The following MATR3 variants were observed in gnomAD, a reference collection of about 807,000 sequenced individuals.
MATR3 encodes matrin 3, also known as matrin-3.
Under a neutral mutation model 85.5 loss-of-function variants are expected in MATR3, and 4 were observed. The ratio of observed to expected loss-of-function variants is 0.05; its 90% CI spans 0.02 to 0.11. MATR3 has a LOEUF of 0.11. Among genes scored for constraint, MATR3 ranks in the 10% least tolerant of loss-of-function variants. MATR3 has a pLI of 1.00. For synonymous variants in MATR3, 336 were observed against 343.1 expected (o/e 0.98, Z 0.23); for missense variants, 685 against 1,016.1 (o/e 0.67, Z 4.43).
intron 2 of MATR3, chr5:139,312,112 T>A (rs904155037): frequency 3.3e-5 from 5 of 152,074 alleles, no homozygotes; most frequent in African/African-American, 1.2e-4. Flanking sequence ...TCCTCTGACT[T>A]AGAGCCATTT....
chr5:139,318,544 A>G (rs945641447), intron 7 of MATR3, among the ~76,000 whole-genome samples: 1 of 152,100 alleles, frequency 6.6e-6, no homozygotes, highest in Non-Finnish European at 1.5e-5. Flanking sequence ...GGTTCAAGCC[A>G]TTCTCCTGCC....
At chr5:139,281,582 ACCTCAGGTGATCCACCCG>A (rs749383013) in intron 3 of MATR3, among the ~76,000 whole-genome samples, 5 of 151,382 alleles carry the variant, frequency 3.3e-5, no homozygotes, top group Non-Finnish European at 7.4e-5. Flanking sequence ...CAAACTCCTT[ACCTCAGGTGATCCACCCG>A]CCTCAGCCTC....
At position 139,307,307 on chromosome 5, in the gene MATR3, C is replaced by CT; in HGVS notation, c.-109_-108insT. The CT allele has an allele frequency of 7.8e-7, 1 of 1,279,196 alleles. No homozygotes were observed. Among genetic ancestry groups the CT allele is most frequent in the South Asian group, 1.6e-5 (1 of 61,584 alleles). The allele number at this position is 1,279,196 out of a possible 1,614,324, so 79.2% of individuals were successfully genotyped here. A position where few individuals can be genotyped will look rare whatever the true frequency, so the allele number is the denominator to read the frequency against. ...TATTGATCCTTTTTCTTGGCGTTAC[C>CT]ATTTTTGAAGCAAAGTTAACCTAGC... is the stretch of plus-strand genomic sequence containing the variant. On this transcript the variant is annotated 5_prime_UTR_variant, in exon 2 of 15. Transcript: ENST00000394805. This position sits in a 1 kb window ranked among gnomAD's most constrained non-coding sequence, Gnocchi z 4.4.
chr5:139,282,213 T>C (rs1753556099), intron 3 of MATR3, among the ~76,000 whole-genome samples: 1 of 152,252 alleles, frequency 6.6e-6, no homozygotes, highest in African/African-American at 2.4e-5. Flanking sequence ...CTCCAGTTAA[T>C]GGACCTGTCA....
upstream of MATR3, among the ~76,000 whole-genome samples, chr5:139,290,618 T>G (rs966015007): frequency 6.6e-6 from 1 of 151,172 alleles, no homozygotes; most frequent in Admixed American, 6.6e-5. Flanking sequence ...CCTGGGTAAT[T>G]TTTGTATTTT....
rs1357508185 is a variant in MATR3, at chr5:139,318,777, T to A, written c.1309-131T>A. On this transcript the variant is annotated intron_variant, in intron 7 of 14. Transcript: ENST00000394805. ...TTTTGTATTTTGATTCTTGAAAGTA[T>A]TTTCTACTTAATGATTAAATATATC... The A allele has an allele frequency of 3.4e-6, 3 of 870,432 alleles. No individual in the cohort carries two copies. The African/African-American group carries it at 5.1e-5, about 15-fold the overall frequency. The allele number at this position is 870,432 out of a possible 1,614,324, so 53.9% of individuals were successfully genotyped here.
chr5:139,297,150 C>G (rs570953530), intron 1 of MATR3, among the ~76,000 whole-genome samples: 8 of 152,230 alleles, frequency 5.3e-5, no homozygotes, highest in African/African-American at 1.9e-4. Flanking sequence ...TGCATTCCAG[C>G]CTGGGCAACA....
upstream of MATR3, among the ~76,000 whole-genome samples, chr5:139,289,521 CAG>C (rs377291710): frequency 3.2e-3 from 486 of 152,352 alleles, 3 homozygotes; most frequent in African/African-American, 0.011. Flanking sequence ...GACTTTCTCA[CAG>C]AGTAAATTGA....
In MATR3 at chr5:139,295,885, T is replaced by TGGCTCAC. The variant is rs60689961; in HGVS notation, c.-178+2088_-178+2094dup. 4.5e-3 allele frequency among the ~76,000 whole-genome samples: 692 copies of TGGCTCAC among 152,262 alleles called. 4 individuals carry two copies. Among genetic ancestry groups the TGGCTCAC allele is most frequent in the African/African-American group, 0.016 (654 of 41,544 alleles). On this transcript the variant is annotated intron_variant, in intron 1 of 14. Transcript: ENST00000394805. ...GACTGGAGTGCAGTGGTATGATCAG[T>TGGCTCAC]GGCTCACGGCTCACAGCAGCCTCGA...
intron 9 of MATR3, 81 bp from the exon 10 acceptor site, chr5:139,321,817 A>G: frequency 1.4e-6 from 2 of 1,423,128 alleles, no homozygotes; most frequent in East Asian, 2.4e-5. Context: ...TTTTCTAACC[A>G]GTAGGTAGAA....
chr5:139,298,150 G>C (rs1754255711), intron 1 of MATR3, among the ~76,000 whole-genome samples: 1 of 152,146 alleles, frequency 6.6e-6, no homozygotes, highest in Non-Finnish European at 1.5e-5. Flanking sequence ...TTCCTCCTTT[G>C]TGAGGATTAT....
In MATR3 at chr5:139,321,984, T is replaced by G. The variant is rs201037038; in HGVS notation, c.1689T>G (p.Cys563Trp). 1.2e-6 allele frequency: 2 copies of G among 1,613,974 alleles called. No homozygotes were observed. Among genetic ancestry groups the G allele is most frequent in the African/African-American group, 2.7e-5 (2 of 74,924 alleles). ...LKKALWFQGR[C>W]VKVDLSEKYK... ...AAGCCCTTTGGTTTCAGGGGAGATG[T>G]GTGAAGGTTGACCTGTCTGAGAAAT... The change falls in exon 10 of 15, where the codon TGT (cysteine) becomes TGG (tryptophan). Residue 563 changes from cysteine (C) to tryptophan (W), a missense_variant. Coordinates refer to ENST00000394805, the MANE Select transcript of MATR3 (RefSeq NM_018834.6).
At chr5:139,327,169 C>G (rs1385940424) in intron 14 of MATR3, among the ~76,000 whole-genome samples, 1 of 152,006 alleles carries the variant, frequency 6.6e-6, no homozygotes, top group Non-Finnish European at 1.5e-5. Context: ...TTATAGATAC[C>G]TTGGTTTTTC....
intron 3 of MATR3, chr5:139,285,170 C>T (rs1311112579): frequency 6.6e-6 from 1 of 152,134 alleles, no homozygotes; most frequent in Non-Finnish European, 1.5e-5. Context: ...TCATCAACCT[C>T]GTTCAATCTA....
In MATR3 at chr5:139,330,083, A is replaced by G. The variant is rs1040420048; in HGVS notation, c.*688A>G. ...AATATTCCCGTTATCTTTGACCAGT[A>G]TTAATTTTTGAGATCTTACTGCTTG... On this transcript the variant is annotated 3_prime_UTR_variant, in exon 15 of 15. Coordinates refer to ENST00000394805, the MANE Select transcript of MATR3 (RefSeq NM_018834.6). The G allele has an allele frequency of 2.0e-5, 9 of 454,398 alleles. No homozygotes were observed. Among genetic ancestry groups the G allele is most frequent in the African/African-American group, 1.8e-4 (9 of 50,000 alleles). The allele number at this position is 454,398 out of a possible 1,614,324, so 28.1% of individuals were successfully genotyped here.
Position 139,322,526 on chromosome 5 carries a change from C to T in MATR3, c.1778+20C>T. 1.3e-6 allele frequency: 2 copies of T among 1,569,748 alleles called. No homozygotes were observed. Among genetic ancestry groups the T allele is most frequent in the African/African-American group, 1.3e-5 (1 of 74,592 alleles). ...ATCCCGGTAATTTCATTTTGTTTTT[C>T]ATATGTGTGAGTATATTCAACTTTA... On this transcript the variant is annotated intron_variant, in intron 11 of 14. Transcript: ENST00000394805.
chr5:139,301,707 A>G (rs1754453548), intron 1 of MATR3, among the ~76,000 whole-genome samples: 1 of 152,252 alleles, frequency 6.6e-6, no homozygotes, highest in Non-Finnish European at 1.5e-5. Flanking sequence ...GTTCAAATAG[A>G]CAATGAACAT....
intron 6 of MATR3, 56 bp downstream of exon 6, chr5:139,317,161 G>T: frequency 1.3e-6 from 2 of 1,525,910 alleles, no homozygotes; most frequent in South Asian, 2.3e-5. Context: ...AATATGATTT[G>T]ACCTAAATCC....
chr5:139,316,819 T>G (rs948456958), intron 5 of MATR3, among the ~76,000 whole-genome samples: 2 of 152,140 alleles, frequency 1.3e-5, no homozygotes, highest in Non-Finnish European at 2.9e-5. Context: ...GTGCTGGGAT[T>G]ACAGGTTTGA....
Sources: gnomAD v4.1 joint callset for allele counts (sites outside exome capture counted in the v4.1 genomes callset) on GRCh38, gnomAD v4.1.1 for gene constraint, Gnocchi (gnomAD v3.1) non-coding constraint, MANE v1.5 for transcripts, NCBI Gene and HGNC (gene_info 2026-07-23, HGNC 2026-07-21) for gene names.